GLB1: variants seen among roughly 807,000 people sequenced by gnomAD.
The protein encoded by GLB1 is beta-galactosidase.
In GLB1, 56 loss-of-function variants were observed where a neutral mutation model predicts 74.0. That is an observed-to-expected ratio of 0.76 (90% confidence interval 0.61 to 0.94). The LOEUF (loss-of-function observed/expected upper bound fraction) is 0.94, where lower values mean the gene tolerates loss of function less well. Ranked by LOEUF, GLB1 falls within the 40% of genes least tolerant of loss-of-function variation. The probability of loss-of-function intolerance (pLI) is 0.00; values close to 1 mark genes in which losing one functional copy is unlikely to be tolerated. For missense variants in GLB1, 787 were observed against 845.5 expected, an observed-to-expected ratio of 0.93 and a Z score of 0.86; for synonymous variants, 323 against 323.6, an observed-to-expected ratio of 1.00 and a Z score of 0.02.
At chr3:33,094,214 GC>G in intron 1 of GLB1, 1 of 1,578,754 alleles carries the variant, frequency 6.3e-7, no homozygotes, top group Non-Finnish European at 8.6e-7. Context: ...CTCCTAGTAG[GC>G]TCCCCCACCA....
At chr3:33,011,652 A>G (rs1234652496) in intron 15 of GLB1, among the ~76,000 whole-genome samples, 2 of 150,376 alleles carry the variant, frequency 1.3e-5, no homozygotes, top group South Asian at 2.1e-4. Flanking sequence ...AAAAAAAAAA[A>G]AAAAGAAAAT....
intron 10 of GLB1, among the ~76,000 whole-genome samples, chr3:33,032,858 T>C (rs1698110582): frequency 6.6e-6 from 1 of 152,220 alleles, no homozygotes; most frequent in Non-Finnish European, 1.5e-5. Flanking sequence ...CATAGTGTCA[T>C]ATGTTTTTGT....
chr3:32,969,352 GA>G, the GLB1 span, among the ~76,000 whole-genome samples: 9 of 151,974 alleles, frequency 5.9e-5, no homozygotes, highest in African/African-American at 2.2e-4. Flanking sequence ...TATTTATAAA[GA>G]AAAAAAGACT....
intron 1 of GLB1, among the ~76,000 whole-genome samples, chr3:33,083,823 G>C (rs1700412143): frequency 1.3e-5 from 2 of 152,108 alleles, no homozygotes; most frequent in South Asian, 4.1e-4. Context: ...GATTATTTCA[G>C]TAATAAATAA....
At chr3:33,076,165 A>G (rs1442854431) in intron 1 of GLB1, among the ~76,000 whole-genome samples, 3 of 152,228 alleles carry the variant, frequency 2.0e-5, no homozygotes, top group African/African-American at 4.8e-5. Flanking sequence ...ATGTGCAGCC[A>G]AGGTTGAGAA....
At chr3:33,082,009 C>G (rs1700339600) in intron 1 of GLB1, among the ~76,000 whole-genome samples, 1 of 152,174 alleles carries the variant, frequency 6.6e-6, no homozygotes, top group African/African-American at 2.4e-5. Context: ...AGGAAGGATC[C>G]TGCATTACCA....
chr3:33,007,533 G>A (rs1243449983), intron 15 of GLB1, among the ~76,000 whole-genome samples: 4 of 152,298 alleles, frequency 2.6e-5, no homozygotes, highest in South Asian at 4.1e-4. Context: ...GTTGTAACAT[G>A]TATCAATACT....
chr3:33,064,608 CTCT>C (rs1421327629), intron 5 of GLB1, among the ~76,000 whole-genome samples: 5 of 151,420 alleles, frequency 3.3e-5, no homozygotes, highest in African/African-American at 1.2e-4. Flanking sequence ...GAAACCCCGT[CTCT>C]ACTAAAAATA....
chr3:33,067,002 C>CTT (rs63579460), intron 4 of GLB1, among the ~76,000 whole-genome samples: 21,148 of 135,358 alleles, frequency 0.16, 1,925 homozygotes, highest in Admixed American at 0.19. Context: ...GTTTTTATTT[C>CTT]TTTTTTTTTT....
intron 15 of GLB1, among the ~76,000 whole-genome samples, chr3:32,999,123 A>T (rs1696439110): frequency 6.6e-6 from 1 of 152,208 alleles, no homozygotes; most frequent in Non-Finnish European, 1.5e-5. Flanking sequence ...GTCCGTGATT[A>T]AAAACCACCT....
intron 1 of GLB1, among the ~76,000 whole-genome samples, chr3:33,086,604 A>G (rs1326759228): frequency 6.6e-6 from 1 of 152,228 alleles, no homozygotes; most frequent in East Asian, 1.9e-4. Flanking sequence ...AATTCTTCCT[A>G]CCCAAAAAGC....
intron 10 of GLB1, among the ~76,000 whole-genome samples, chr3:33,032,217 G>A (rs539460661): frequency 1.3e-4 from 20 of 152,280 alleles, no homozygotes; most frequent in African/African-American, 4.1e-4. Context: ...CTCCCCATGT[G>A]CAGTCTCAAC....
At chr3:33,053,141 TG>T (rs1699067782) in intron 7 of GLB1, among the ~76,000 whole-genome samples, 1 of 152,156 alleles carries the variant, frequency 6.6e-6, no homozygotes, top group Non-Finnish European at 1.5e-5. Context: ...TATATGACCC[TG>T]GCAAGTGACA....
the GLB1 span, among the ~76,000 whole-genome samples, chr3:32,968,855 C>T: frequency 1.0e-3 from 155 of 152,308 alleles, no homozygotes; most frequent in Non-Finnish European, 2.0e-3. Context: ...GTCATGGCAT[C>T]GCCCAGTGAC....
chr3:33,091,751 C>T (rs993057390), intron 1 of GLB1: 1 of 985,398 alleles, frequency 1.0e-6, no homozygotes. Context: ...CCAGTCAGAG[C>T]GAGTGTCTTC....
intron 1 of GLB1, among the ~76,000 whole-genome samples, chr3:33,082,478 A>C (rs976095024): frequency 6.6e-6 from 1 of 152,140 alleles, no homozygotes; most frequent in African/African-American, 2.4e-5. Context: ...AGACTTAAAG[A>C]TCATTTCCAT....
intron 6 of GLB1, 132 bp downstream of exon 6, chr3:33,057,957 C>T: frequency 8.1e-7 from 1 of 1,232,638 alleles, no homozygotes; most frequent in Non-Finnish European, 1.2e-6. Flanking sequence ...TTCTATTCTA[C>T]CTGTTCCTTG....
chr3:33,026,734 A>T lies in GLB1; in HGVS notation c.1069-2409T>A, dbSNP rs535599859. 3.0e-4 allele frequency among the ~76,000 whole-genome samples: 45 copies of T among 152,136 alleles called. 1 individual carries two copies. The South Asian group carries it at 9.1e-3, about 31-fold the overall frequency. On this transcript the variant is annotated intron_variant, in intron 10 of 15. Transcript: ENST00000307363. The stretch of plus-strand genomic sequence containing the variant: ...AGGGGAGACAATCAGCTGCAGAGAG[A>T]AACTATCCTCTCTGCTGAGAGGATG...
intron 7 of GLB1, chr3:33,052,594 G>C (rs947717282): frequency 6.4e-6 from 1 of 156,450 alleles, no homozygotes; most frequent in African/African-American, 2.4e-5. Flanking sequence ...TCGCGCCACT[G>C]TACTACAGTC....
Sources: allele counts gnomAD v4.1 joint callset (sites outside exome capture counted in the v4.1 genomes callset), GRCh38; gene constraint gnomAD v4.1.1; transcripts MANE v1.5; gene names NCBI Gene and HGNC (gene_info 2026-07-23, HGNC 2026-07-21).